Variants in RAF1 observed in about 807,000 individuals in gnomAD.
RAF1 encodes RAF proto-oncogene serine/threonine-protein kinase.
In RAF1, 27 loss-of-function variants were observed where a neutral mutation model predicts 81.1. The ratio of observed to expected loss-of-function variants is 0.33; its 90% CI spans 0.25 to 0.46. RAF1 has a LOEUF of 0.46. Ranked by LOEUF, RAF1 falls within the 20% of genes least tolerant of loss-of-function variation. The pLI, the probability that RAF1 is intolerant of heterozygous loss-of-function variation, is 1.00. For synonymous variants in RAF1, 298 were observed against 294.0 expected, an observed-to-expected ratio of 1.01 and a Z score of -0.14; for missense variants, 598 against 826.0, an observed-to-expected ratio of 0.72 and a Z score of 3.38.
At chr3:12,607,846 G>A (rs557754685) in intron 5 of RAF1, among the ~76,000 whole-genome samples, 1 of 151,202 alleles carries the variant, frequency 6.6e-6, no homozygotes, top group South Asian at 2.1e-4. Flanking sequence ...AGCTACTCGG[G>A]AGGCTGAGGC....
chr3:12,584,751 C>T (rs2125318572), intron 17 of RAF1, 94 bp from the exon 17 acceptor site: 1 of 1,613,152 alleles, frequency 6.2e-7, no homozygotes, highest in Admixed American at 1.7e-5. Context: ...CCTGGGTCCC[C>T]TCCCTATAAA....
chr3:12,600,809 G>A (rs779021081), intron 8 of RAF1, among the ~76,000 whole-genome samples: 15 of 152,170 alleles, frequency 9.9e-5, no homozygotes, highest in Non-Finnish European at 1.8e-4. Flanking sequence ...TGATCCTCTC[G>A]CCTCGGCCTC....
At chr3:12,590,632 T>C (rs556123180) in intron 13 of RAF1, 166 bp downstream of exon 12, 138 of 801,816 alleles carry the variant, frequency 1.7e-4, no homozygotes, top group Admixed American at 6.1e-4. Context: ...AGCTGGAACC[T>C]GAACAACTCA....
intron 6 of RAF1, 65 bp downstream of exon 6, chr3:12,606,136 T>C (rs1220884778): frequency 3.9e-6 from 5 of 1,267,090 alleles, no homozygotes; most frequent in African/African-American, 1.5e-5. Context: ...ATTTTTTGTC[T>C]TCAAGCTTCC....
rs571211285 is a variant in RAF1, at chr3:12,618,270, TTGGA to T, written c.207+241_207+244del. On this transcript the variant is annotated intron_variant, in intron 2 of 17. Transcript: ENST00000442415. ...ATACCCATAAGAATGTACTATTTGT[TTGGA>T]TGAAGTGGCACAAAGGAAGACATTC... Among the ~76,000 whole-genome samples the T allele has an allele frequency of 5.9e-5, 9 of 152,180 alleles. No individual in the cohort carries two copies. The South Asian group carries it at 1.9e-3, about 32-fold the overall frequency.
intron 3 of RAF1, among the ~76,000 whole-genome samples, chr3:12,609,819 C>T (rs2059155011): frequency 6.6e-6 from 1 of 152,068 alleles, no homozygotes; most frequent in African/African-American, 2.4e-5. Context: ...TATAAAATCT[C>T]ACAATAAAGT....
At chr3:12,605,250 A>ATATGTG (rs1553613998) in intron 6 of RAF1, among the ~76,000 whole-genome samples, 19,934 of 144,522 alleles carry the variant, frequency 0.14, 1,365 homozygotes, top group Non-Finnish European at 0.15. Context: ...ATTACACATT[A>ATATGTG]TGTGTGTGTG....
chr3:12,646,020 T>TCTA (rs1239356222), intron 1 of RAF1, among the ~76,000 whole-genome samples: 18 of 152,248 alleles, frequency 1.2e-4, no homozygotes, highest in African/African-American at 4.3e-4. Context: ...TTACTTCACT[T>TCTA]CTAAACAACA....
intron 8 of RAF1, among the ~76,000 whole-genome samples, chr3:12,600,718 C>T (rs920193317): frequency 6.6e-6 from 1 of 152,160 alleles, no homozygotes; most frequent in Non-Finnish European, 1.5e-5. Context: ...TGCACCAGCA[C>T]GCCCGGCTAA....
In RAF1 at chr3:12,594,741, C is replaced by G. The variant is rs546586482; in HGVS notation, c.1169-2949G>C. On this transcript the variant is annotated intron_variant, in intron 11 of 17. Coordinates refer to ENST00000442415, the MANE Select transcript of RAF1 (RefSeq NM_001354689.3). ...TCATCCTAGCCAGTTGAACTCTTCTCGCTTTTCTAAATCCTCACTACTATG... is the reference window on the plus strand; with the variant it reads ...TCATCCTAGCCAGTTGAACTCTTCTGGCTTTTCTAAATCCTCACTACTATG... Among the ~76,000 whole-genome samples, 4 of 152,290 alleles carry G rather than the reference C, an allele frequency of 2.6e-5. No individual in the cohort carries two copies. In the East Asian group the frequency reaches 7.7e-4, roughly 29 times the overall value.
rs1575573477 is a variant in RAF1, at chr3:12,604,242, G to C, written c.728C>G (p.Ser243Cys). The change falls in exon 7 of 18, where the codon TCC becomes TGC. Residue 243 changes from serine (S) to cysteine (C), a missense_variant. Around this residue, in one of 5 missense-constraint regions of RAF1, gnomAD observed 194 missense variants for 202.7 expected, o/e 0.96. Transcript: ENST00000442415. ...GAGGGAACCTTCAGATGAGGGACTG[G>C]AGGTGTTAAAGGTGAAGGCGTGAGG... 1 of 1,614,188 alleles carries C rather than the reference G, an allele frequency of 6.2e-7. No individual in the cohort carries two copies. Among genetic ancestry groups the C allele is most frequent in the Non-Finnish European group, 8.5e-7 (1 of 1,180,016 alleles).
intron 1 of RAF1, among the ~76,000 whole-genome samples, chr3:12,659,447 T>TAAAAAAAAAAAAAAAAAAAAAAA (rs1553625806): frequency 3.0e-5 from 1 of 33,162 alleles, no homozygotes; most frequent in Non-Finnish European, 5.8e-5. Context: ...AAAAAAAAAT[T>TAAAAAAAAAAAAAAAAAAAAAAA]ACACGCAAGA....
At chr3:12,642,123 G>A (rs1375365444) in intron 1 of RAF1, among the ~76,000 whole-genome samples, 1 of 151,822 alleles carries the variant, frequency 6.6e-6, no homozygotes, top group East Asian at 1.9e-4. Flanking sequence ...ACTCCAGCCT[G>A]GGCAACAAGA....
intron 6 of RAF1, among the ~76,000 whole-genome samples, chr3:12,604,777 A>C (rs1195080893): frequency 6.6e-6 from 1 of 152,214 alleles, no homozygotes; most frequent in Non-Finnish European, 1.5e-5. Flanking sequence ...CCAGCAAACA[A>C]AGTAAATAAA....
At chr3:12,607,952 A>C (rs1196551063) in intron 5 of RAF1, among the ~76,000 whole-genome samples, 3 of 85,018 alleles carry the variant, frequency 3.5e-5, no homozygotes, top group African/African-American at 1.1e-4. Flanking sequence ...TTGTCTCCAA[A>C]AAAAAAAAAA....
intron 1 of RAF1, among the ~76,000 whole-genome samples, chr3:12,622,638 T>C (rs1025478531): frequency 4.0e-4 from 61 of 152,342 alleles, no homozygotes; most frequent in African/African-American, 1.4e-3. Flanking sequence ...ATGGTACTTA[T>C]GTTAGACAGT....
chr3:12,600,871 T>C (rs1410981451), intron 8 of RAF1, among the ~76,000 whole-genome samples: 4 of 152,180 alleles, frequency 2.6e-5, no homozygotes, highest in African/African-American at 9.7e-5. Context: ...CTGGTATTAG[T>C]TTTTCATATA....
chr3:12,613,157 G>C (rs1475657353), intron 2 of RAF1, among the ~76,000 whole-genome samples: 1 of 152,130 alleles, frequency 6.6e-6, no homozygotes, highest in Non-Finnish European at 1.5e-5. Context: ...AACCCTACTG[G>C]GAAGTGTGAG....
intron 1 of RAF1, among the ~76,000 whole-genome samples, chr3:12,641,115 AG>A (rs2060171301): frequency 6.6e-6 from 1 of 151,614 alleles, no homozygotes; most frequent in Non-Finnish European, 1.5e-5. Flanking sequence ...TTGCAAGGAC[AG>A]AAAACCAAAC....
Sources: allele counts gnomAD v4.1 joint callset (sites outside exome capture counted in the v4.1 genomes callset), GRCh38; gene constraint gnomAD v4.1.1; regional missense constraint gnomAD v4.1.1; transcripts MANE v1.5; gene names NCBI Gene and HGNC (gene_info 2026-07-23, HGNC 2026-07-21).